The following SLC25A12 variants were observed in gnomAD, a reference collection of about 807,000 sequenced individuals.
SLC25A12 encodes electrogenic aspartate/glutamate antiporter SLC25A12, mitochondrial.
A neutral mutation model predicts 83.3 loss-of-function variants in SLC25A12; 32 were observed. The ratio of observed to expected loss-of-function variants is 0.38; its 90% CI spans 0.29 to 0.52. The LOEUF is 0.52. SLC25A12 is among the 20% of genes least tolerant of loss of function. SLC25A12 has a pLI of 0.84. For synonymous variants in SLC25A12, 267 were observed against 291.1 expected, an observed-to-expected ratio of 0.92 and a Z score of 0.84; for missense variants, 611 against 835.6, an observed-to-expected ratio of 0.73 and a Z score of 3.31.
chr2:171,802,119 A>G (rs536673233), intron 13 of SLC25A12, among the ~76,000 whole-genome samples: 1 of 152,328 alleles, frequency 6.6e-6, no homozygotes, highest in East Asian at 1.9e-4. Flanking sequence ...GTATACACAC[A>G]CATACAATCT....
chr2:171,863,988 A>G (rs1339460378), intron 3 of SLC25A12, among the ~76,000 whole-genome samples: 3 of 152,212 alleles, frequency 2.0e-5, no homozygotes, highest in African/African-American at 2.4e-5. Flanking sequence ...AATTTCACAC[A>G]CTGTGCAAGG....
chr2:171,820,944 T>A (rs1249644892), intron 9 of SLC25A12, among the ~76,000 whole-genome samples: 1 of 151,778 alleles, frequency 6.6e-6, no homozygotes, highest in East Asian at 1.9e-4. Context: ...ACAACATATT[T>A]ATCCGTTCTA....
At chr2:171,825,311 T>C (rs1425663674) in intron 9 of SLC25A12, among the ~76,000 whole-genome samples, 1 of 152,238 alleles carries the variant, frequency 6.6e-6, no homozygotes, top group Non-Finnish European at 1.5e-5. Context: ...AATGTTCTTG[T>C]TCCTTATGTA....
chr2:171,819,018 C>T (rs1684115287), intron 9 of SLC25A12, among the ~76,000 whole-genome samples: 1 of 149,322 alleles, frequency 6.7e-6, no homozygotes, highest in Non-Finnish European at 1.5e-5. Context: ...GATTTGAATT[C>T]AATATTCTTG....
chr2:171,791,653 T>A, intron 14 of SLC25A12, 64 bp from the exon 15 acceptor site: 1 of 1,476,928 alleles, frequency 6.8e-7, no homozygotes, highest in South Asian at 1.1e-5. Flanking sequence ...CCAAATGGGA[T>A]CCATGTGACA....
rs117068617 is a variant in SLC25A12 at position 171,879,533 on chromosome 2, C to G, written c.67-10710G>C. Reference sequence around the variant, plus strand: ...AGATCTACCAAAACAATTTTCCACTCAAAATAACCAAAAACCTTGGAAATA... The same window carrying G: ...AGATCTACCAAAACAATTTTCCACTGAAAATAACCAAAAACCTTGGAAATA... On this transcript the variant is annotated intron_variant, in intron 2 of 17. Transcript: ENST00000422440. 1.2e-4 allele frequency among the ~76,000 whole-genome samples: 19 copies of G among 152,202 alleles called. No homozygotes were observed. In the East Asian group the frequency reaches 3.7e-3, roughly 29 times the overall value.
chr2:171,839,040 A>G (rs186210358), intron 5 of SLC25A12, among the ~76,000 whole-genome samples: 26 of 152,356 alleles, frequency 1.7e-4, no homozygotes, highest in Admixed American at 4.6e-4. Flanking sequence ...TATACAGTAT[A>G]ATTAAAACAT....
chr2:171,891,224 C>T (rs983341059), intron 2 of SLC25A12, among the ~76,000 whole-genome samples: 1 of 151,856 alleles, frequency 6.6e-6, no homozygotes, highest in South Asian at 2.1e-4. Context: ...GCTTGAACCC[C>T]GGAGGCAGAA....
intron 17 of SLC25A12, among the ~76,000 whole-genome samples, chr2:171,786,872 T>C (rs2105831396): frequency 6.6e-6 from 1 of 152,292 alleles, no homozygotes; most frequent in East Asian, 1.9e-4. Flanking sequence ...TAATGAAATA[T>C]CAGAGATGCA....
rs766769589 is a variant in SLC25A12 at position 171,855,884 on chromosome 2, A to C, written c.275T>G (p.Ile92Arg). 3.1e-6 allele frequency: 5 copies of C among 1,613,756 alleles called. No homozygotes were observed. Among genetic ancestry groups the C allele is most frequent in the Non-Finnish European group, 2.5e-6 (3 of 1,179,662 alleles). The change falls in exon 4 of 18, where the codon ATA becomes AGA. Residue 92 changes from isoleucine to arginine, a missense_variant. Ile to Arg is a moderately conservative substitution (Grantham distance 97). Transcript: ENST00000422440. ...CTTGTCAAACAACTGGAAAGCCACTATGAACATGGAATCTGGAGCACATAA... is the reference window on the plus strand; with the variant it reads ...CTTGTCAAACAACTGGAAAGCCACTCTGAACATGGAATCTGGAGCACATAA... ...SVLCAPDSMF[I>R]VAFQLFDKSG...
chr2:171,881,427 CAGGCCAT>C, intron 2 of SLC25A12, among the ~76,000 whole-genome samples: 2 of 152,270 alleles, frequency 1.3e-5, no homozygotes, highest in Admixed American at 1.3e-4. Context: ...GCTAGGATTA[CAGGCCAT>C]CGCGCCCGGC....
At chr2:171,846,378 T>C (rs1349706454) in intron 4 of SLC25A12, among the ~76,000 whole-genome samples, 1 of 152,230 alleles carries the variant, frequency 6.6e-6, no homozygotes, top group East Asian at 1.9e-4. Flanking sequence ...ACTACCTAGA[T>C]AATTCTTATA....
chr2:171,855,918 C>A lies in SLC25A12; in HGVS notation c.241G>T (p.Glu81Ter). 1 of 1,612,502 alleles carries A rather than the reference C, an allele frequency of 6.2e-7. No individual in the cohort carries two copies. Among genetic ancestry groups the A allele is most frequent in the South Asian group, 1.1e-5 (1 of 91,046 alleles). The change falls in exon 4 of 18, where the codon GAA (glutamate) becomes TAA (stop). Residue 81 changes from glutamate (E) to a stop codon, truncating the protein, a stop_gained. Coordinates refer to ENST00000422440, the MANE Select transcript of SLC25A12 (RefSeq NM_003705.5). LOFTEE classifies it high-confidence loss of function. ...LISYQEFLAF[E>*]SVLCAPDSMF... ...GAATCTGGAGCACATAAAACAGATT[C>A]AAATGCCAAAAACTCTTGATAGGAG... is the stretch of plus-strand genomic sequence containing the variant.
In SLC25A12 at chr2:171,821,017, C is replaced by CTTT. The variant is rs869070730; in HGVS notation, c.930+5778_930+5780dup. On this transcript the variant is annotated intron_variant, in intron 9 of 17. Coordinates refer to ENST00000422440, the MANE Select transcript of SLC25A12 (RefSeq NM_003705.5). ...TGCAAATAACGCAGCTATAAACATT[C>CTTT]TTTTTTTTTTTTTTTTTTTTTTTTT... Among the ~76,000 whole-genome samples, 75 of 48,640 alleles carry CTTT rather than the reference C, an allele frequency of 1.5e-3. 6 individuals are homozygous for CTTT. Among genetic ancestry groups the CTTT allele is most frequent in the South Asian group, 0.013 (9 of 686 alleles). 31.9% of individuals were successfully genotyped at this position (48,640 alleles called of 152,430 possible).
intron 11 of SLC25A12, among the ~76,000 whole-genome samples, chr2:171,810,660 T>C (rs1185540085): frequency 3.3e-5 from 5 of 152,154 alleles, no homozygotes; most frequent in Non-Finnish European, 5.9e-5. Context: ...ACACAGATAC[T>C]GTACACTTGG....
At chr2:171,886,643 G>A (rs1485747624) in intron 2 of SLC25A12, among the ~76,000 whole-genome samples, 2 of 151,840 alleles carry the variant, frequency 1.3e-5, no homozygotes, top group Non-Finnish European at 2.9e-5. Flanking sequence ...CCGAGTAGCT[G>A]GGACTACAGG....
At chr2:171,866,754 G>A (rs1188723571) in intron 3 of SLC25A12, among the ~76,000 whole-genome samples, 1 of 140,344 alleles carries the variant, frequency 7.1e-6, no homozygotes, top group African/African-American at 2.6e-5. Flanking sequence ...GCGGCTGGCC[G>A]GGTGGGGGGC....
At chr2:171,844,665 T>C (rs965740162) in intron 4 of SLC25A12, among the ~76,000 whole-genome samples, 157 bp from the exon 5 acceptor site, 2 of 152,190 alleles carry the variant, frequency 1.3e-5, no homozygotes, top group African/African-American at 4.8e-5. Flanking sequence ...CCAGAAACCA[T>C]GCGCAGGAAC....
chr2:171,851,805 G>C (rs989749055), intron 4 of SLC25A12, among the ~76,000 whole-genome samples: 3 of 152,162 alleles, frequency 2.0e-5, no homozygotes, highest in Non-Finnish European at 4.4e-5. Context: ...AAACTGCTGG[G>C]ATTACAGACA....
Sources: gnomAD v4.1 joint callset for allele counts (sites outside exome capture counted in the v4.1 genomes callset) on GRCh38, gnomAD v4.1.1 for gene constraint, MANE v1.5 for transcripts, NCBI Gene and HGNC (gene_info 2026-07-23, HGNC 2026-07-21) for gene names.